Variants in STK32B observed in about 807,000 individuals in gnomAD.
The protein encoded by STK32B is serine/threonine kinase 32B.
In STK32B, 43 loss-of-function variants were observed where a neutral mutation model predicts 52.6. The ratio of observed to expected loss-of-function variants is 0.82; its 90% CI spans 0.64 to 1.05. The LOEUF is 1.05. Ranked by LOEUF, STK32B falls within the 50% of genes least tolerant of loss-of-function variation. The pLI is 0.00. For missense variants in STK32B, 621 were observed against 534.6 expected, an observed-to-expected ratio of 1.16 and a Z score of -1.59; for synonymous variants, 238 against 204.3, an observed-to-expected ratio of 1.17 and a Z score of -1.41.
At chr4:5,154,291 C>T (rs1717612826) in intron 2 of STK32B, among the ~76,000 whole-genome samples, 2 of 150,374 alleles carry the variant, frequency 1.3e-5, no homozygotes, top group Non-Finnish European at 2.9e-5. Flanking sequence ...TCTTGGCTCA[C>T]TGCCACCTCT....
chr4:5,276,623 T>C (rs1406218419), intron 3 of STK32B, among the ~76,000 whole-genome samples: 2 of 152,076 alleles, frequency 1.3e-5, no homozygotes, highest in East Asian at 3.9e-4. Context: ...TTTATTTTAA[T>C]GGAATAGTAA....
chr4:5,190,499 G>A (rs1224320705), intron 3 of STK32B, among the ~76,000 whole-genome samples: 1 of 152,138 alleles, frequency 6.6e-6, no homozygotes, highest in Admixed American at 6.5e-5. Context: ...TGCATTTGGT[G>A]TCATGGGTTC....
intron 1 of STK32B, among the ~76,000 whole-genome samples, chr4:5,126,937 G>T (rs181270132): frequency 2.0e-5 from 3 of 152,308 alleles, no homozygotes. Context: ...ATACTGAGCA[G>T]CAGAAAGGGG....
At chr4:5,190,558 G>C (rs1721104492) in intron 3 of STK32B, among the ~76,000 whole-genome samples, 1 of 152,256 alleles carries the variant, frequency 6.6e-6, no homozygotes, top group East Asian at 1.9e-4. Context: ...ACTGTCCTAA[G>C]TACTGGTGAT....
At chr4:5,124,489 G>A (rs1370745770) in intron 1 of STK32B, among the ~76,000 whole-genome samples, 1 of 152,134 alleles carries the variant, frequency 6.6e-6, no homozygotes, top group African/African-American at 2.4e-5. Flanking sequence ...CCAGGACTGA[G>A]TTTGGTTTGT....
At chr4:5,045,010 C>T in the STK32B span, among the ~76,000 whole-genome samples, 1 of 152,258 alleles carries the variant, frequency 6.6e-6, no homozygotes, top group South Asian at 2.1e-4. Context: ...CCACCAGCAT[C>T]TCTTGCCTAG....
At chr4:5,459,605 C>T (rs1716872083) in intron 8 of STK32B, among the ~76,000 whole-genome samples, 1 of 152,194 alleles carries the variant, frequency 6.6e-6, no homozygotes, top group South Asian at 2.1e-4. Flanking sequence ...TTAGCTGAAA[C>T]TCAATTAGAA....
At chr4:5,423,519 A>G (rs1712816832) in intron 6 of STK32B, among the ~76,000 whole-genome samples, 1 of 152,210 alleles carries the variant, frequency 6.6e-6, no homozygotes, top group African/African-American at 2.4e-5. Flanking sequence ...CCAGTAGCCA[A>G]TATTAATGTG....
chr4:5,172,274 T>C (rs925798796), intron 3 of STK32B, among the ~76,000 whole-genome samples: 60 of 152,314 alleles, frequency 3.9e-4, no homozygotes, highest in Non-Finnish European at 7.8e-4. Context: ...TTTGACTTCC[T>C]CTTTTCCTAA....
chr4:5,307,812 G>A (rs1209421061), intron 3 of STK32B, among the ~76,000 whole-genome samples: 2 of 146,538 alleles, frequency 1.4e-5, no homozygotes, highest in African/African-American at 2.8e-5. Context: ...TTTGTCCCAC[G>A]GGGGTGCTCT....
At chr4:5,100,737 C>CCTT in intron 1 of STK32B, among the ~76,000 whole-genome samples, 1 of 100,126 alleles carries the variant, frequency 1.0e-5, no homozygotes. Flanking sequence ...CTTCTTCCTT[C>CCTT]TCTTCCTCCC....
At chr4:5,326,456 G>A (rs1419095788) in intron 3 of STK32B, among the ~76,000 whole-genome samples, 1 of 152,140 alleles carries the variant, frequency 6.6e-6, no homozygotes, top group Non-Finnish European at 1.5e-5. Flanking sequence ...CTAGGTGGGA[G>A]CCAGTACCTC....
intron 3 of STK32B, among the ~76,000 whole-genome samples, chr4:5,202,955 A>G (rs774541654): frequency 2.0e-5 from 3 of 152,218 alleles, no homozygotes; most frequent in African/African-American, 7.2e-5. Flanking sequence ...GTGGGCAACA[A>G]TACCTTGGTT....
intron 3 of STK32B, among the ~76,000 whole-genome samples, chr4:5,172,632 A>G (rs912754346): frequency 6.7e-6 from 1 of 150,370 alleles, no homozygotes; most frequent in Non-Finnish European, 1.5e-5. Flanking sequence ...CATATGTTGA[A>G]CTAGCCTTGC....
At position 5,378,650 on chromosome 4, in the gene STK32B, G is replaced by A. The variant is rs1218465217; in HGVS notation, c.435-19557G>A. Reference sequence around the variant, plus strand: ...CATAGTAGGTGTGTATATGTATGGGGTACATGAGATGTTTTGATACAGACA... The same window carrying A: ...CATAGTAGGTGTGTATATGTATGGGATACATGAGATGTTTTGATACAGACA... On this transcript the variant is annotated intron_variant, in intron 4 of 11. Coordinates refer to ENST00000282908, the MANE Select transcript of STK32B (RefSeq NM_018401.3). This position sits in a 1 kb window ranked among gnomAD's most constrained non-coding sequence, Gnocchi z 4.4. Among the ~76,000 whole-genome samples the A allele has an allele frequency of 6.6e-6, 1 of 152,074 alleles. No individual in the cohort carries two copies. The highest frequency in any genetic ancestry group is 6.6e-5 in the Admixed American group (1 of 15,258).
intron 4 of STK32B, among the ~76,000 whole-genome samples, chr4:5,385,912 T>G (rs1736219024): frequency 8.3e-6 from 1 of 119,944 alleles, no homozygotes. Context: ...TATACCCACA[T>G]TCCCCACCCA....
chr4:5,187,821 T>C (rs552583152), intron 3 of STK32B, among the ~76,000 whole-genome samples: 1 of 152,302 alleles, frequency 6.6e-6, no homozygotes, highest in East Asian at 1.9e-4. Context: ...CTATGCTCTT[T>C]CTAAAGCCAA....
intron 3 of STK32B, among the ~76,000 whole-genome samples, chr4:5,316,410 TAA>T (rs1730751634): frequency 3.6e-5 from 1 of 28,112 alleles, no homozygotes; most frequent in Non-Finnish European, 4.6e-5. Context: ...ATATAATATA[TAA>T]TATATATTAC....
At chr4:5,137,177 A>G (rs1038844640) in intron 1 of STK32B, among the ~76,000 whole-genome samples, 1 of 152,198 alleles carries the variant, frequency 6.6e-6, no homozygotes, top group African/African-American at 2.4e-5. Flanking sequence ...TGGCCAAGGA[A>G]TGTAACTCAG....
Sources: allele counts gnomAD v4.1 joint callset (sites outside exome capture counted in the v4.1 genomes callset), GRCh38; gene constraint gnomAD v4.1.1; non-coding constraint Gnocchi (gnomAD v3.1); transcripts MANE v1.5; gene names NCBI Gene and HGNC (gene_info 2026-07-23, HGNC 2026-07-21).